The following TRIO variants were observed in gnomAD, a reference collection of about 807,000 sequenced individuals.
TRIO encodes the protein triple functional domain protein.
Under a neutral mutation model 351.9 loss-of-function variants are expected in TRIO, and 58 were observed. The observed-to-expected ratio is 0.16, with a 90% CI of 0.13 to 0.21. TRIO has a LOEUF of 0.21. Ranked by LOEUF, TRIO falls within the 10% of genes least tolerant of loss-of-function variation. TRIO has a pLI of 1.00. For synonymous variants in TRIO, 1,758 were observed against 1,595.7 expected (o/e 1.10, Z -2.42); for missense variants, 3,201 against 4,027.8 (o/e 0.79, Z 5.56).
At chr5:14,306,897 T>G (rs1169999455) in intron 8 of TRIO, among the ~76,000 whole-genome samples, 1 of 152,188 alleles carries the variant, frequency 6.6e-6, no homozygotes, top group Non-Finnish European at 1.5e-5. Flanking sequence ...TTATTTGATT[T>G]ACATTGGTAC....
At chr5:14,156,019 T>A (rs1464902599) in intron 1 of TRIO, among the ~76,000 whole-genome samples, 2 of 152,242 alleles carry the variant, frequency 1.3e-5, no homozygotes, top group Non-Finnish European at 2.9e-5. Context: ...TTTCCTTATC[T>A]TCCACTTATT....
At chr5:14,426,675 T>C (rs1750667068) in intron 34 of TRIO, among the ~76,000 whole-genome samples, 1 of 151,886 alleles carries the variant, frequency 6.6e-6, no homozygotes, top group South Asian at 2.1e-4. Flanking sequence ...AAGCAGCGAG[T>C]CTCCGCAGAT....
chr5:14,178,685 G>T (rs1488492898), intron 1 of TRIO, among the ~76,000 whole-genome samples: 2 of 152,174 alleles, frequency 1.3e-5, no homozygotes, highest in East Asian at 3.9e-4. Context: ...TGAGAGTCAT[G>T]TGAAGATATT....
At chr5:14,445,052 C>A (rs879689143) in intron 34 of TRIO, among the ~76,000 whole-genome samples, 1 of 152,118 alleles carries the variant, frequency 6.6e-6, no homozygotes, top group Admixed American at 6.5e-5. Context: ...TATCTCTTCA[C>A]TAGATTTTGG....
chr5:14,289,931 G>A (rs950056862), intron 4 of TRIO, among the ~76,000 whole-genome samples: 3 of 152,194 alleles, frequency 2.0e-5, no homozygotes, highest in Non-Finnish European at 2.9e-5. Flanking sequence ...AAATTGCAAT[G>A]TAGTACAGAT....
At chr5:14,371,189 A>G (rs1745072227) in intron 18 of TRIO, among the ~76,000 whole-genome samples, 1 of 152,236 alleles carries the variant, frequency 6.6e-6, no homozygotes, top group Non-Finnish European at 1.5e-5. Context: ...TTAAACTGTG[A>G]TGTTGAGTAG....
At chr5:14,464,880 C>T (rs1426323865) in intron 36 of TRIO, among the ~76,000 whole-genome samples, 36 of 152,110 alleles carry the variant, frequency 2.4e-4, no homozygotes, top group African/African-American at 4.8e-5. Context: ...GCCCCTCCCC[C>T]AGATTTCCTG....
At chr5:14,200,564 C>T (rs756262296) in intron 1 of TRIO, among the ~76,000 whole-genome samples, 29 of 152,116 alleles carry the variant, frequency 1.9e-4, no homozygotes, top group Non-Finnish European at 2.9e-4. Flanking sequence ...ATAAATGGAT[C>T]GGGTTTAGCA....
intron 18 of TRIO, among the ~76,000 whole-genome samples, chr5:14,370,433 G>C (rs1477131746): frequency 6.6e-6 from 1 of 152,088 alleles, no homozygotes; most frequent in African/African-American, 2.4e-5. Context: ...GGCTCTGCTT[G>C]TTATCACCAC....
chr5:14,487,901 G>A lies in TRIO; in HGVS notation c.7273G>A (p.Ala2425Thr), dbSNP rs755526606. ...GAGCCCCAGGAAAGGCGCCGCGAAC[G>A]CCTCGGGGTCGAGCCCAGACGCCCC... ...LESPRKGAAN[A>T]SGSSPDAPAK... Residue 2425 changes from alanine to threonine, a missense_variant, in exon 48 of 57, where the codon GCC (alanine) becomes ACC (threonine). By Grantham distance (58) the Ala-to-Thr change is moderately conservative (BLOSUM62 0). Coordinates refer to ENST00000344204, the MANE Select transcript of TRIO (RefSeq NM_007118.4). The A allele has an allele frequency of 1.7e-5, 26 of 1,534,912 alleles. No homozygotes were observed. The South Asian group carries it at 2.9e-4, about 17-fold the overall frequency.
intron 12 of TRIO, 113 bp from the exon 13 acceptor site, chr5:14,359,244 G>A (rs1743907991): frequency 7.7e-7 from 1 of 1,300,886 alleles, no homozygotes; most frequent in Non-Finnish European, 1.1e-6. Context: ...TCTGAGACAA[G>A]CAGTGCAGCT....
At chr5:14,426,686 G>A (rs1750668510) in intron 34 of TRIO, among the ~76,000 whole-genome samples, 1 of 152,188 alleles carries the variant, frequency 6.6e-6, no homozygotes, top group Admixed American at 6.5e-5. Context: ...CTCCGCAGAT[G>A]GCCGGCACTG....
chr5:14,390,590 C>CCTTCTGGGGGA, intron 26 of TRIO: 1 of 535,334 alleles, frequency 1.9e-6, no homozygotes, highest in Non-Finnish European at 3.3e-6. Context: ...GGGGGATCGT[C>CCTTCTGGGGGA]TAGTCTAGAG....
At chr5:14,466,769 G>A (rs570380932) in intron 37 of TRIO, among the ~76,000 whole-genome samples, 17 of 152,272 alleles carry the variant, frequency 1.1e-4, no homozygotes, top group African/African-American at 2.9e-4. Flanking sequence ...ATGTGTGTGC[G>A]TTTTCTTTCC....
At chr5:14,480,107 A>G (rs1755401961) in intron 43 of TRIO, 96 bp downstream of exon 43, 1 of 1,124,202 alleles carries the variant, frequency 8.9e-7, no homozygotes, top group South Asian at 1.4e-5. Context: ...GGACAGGGGA[A>G]TCATCTGTGT....
intron 1 of TRIO, among the ~76,000 whole-genome samples, chr5:14,218,115 C>T (rs1459094085): frequency 6.6e-6 from 1 of 152,110 alleles, no homozygotes; most frequent in Non-Finnish European, 1.5e-5. Flanking sequence ...TTTTAAAATG[C>T]AACTTTTGCA....
At chr5:14,288,321 AT>A (rs1736612184) in intron 4 of TRIO, among the ~76,000 whole-genome samples, 1 of 152,166 alleles carries the variant, frequency 6.6e-6, no homozygotes, top group African/African-American at 2.4e-5. Context: ...AACTTGTTAC[AT>A]TGTTACCAGC....
chr5:14,478,329 T>C (rs1176250228), intron 41 of TRIO, among the ~76,000 whole-genome samples: 1 of 152,112 alleles, frequency 6.6e-6, no homozygotes, highest in Admixed American at 6.6e-5. Flanking sequence ...AGTGAAGAGT[T>C]TTTGCCAAGG....
Position 14,461,159 on chromosome 5 carries a change from C to T in TRIO, c.5344C>T (p.Arg1782Trp), listed in dbSNP as rs1393999161. Residue 1782 changes from arginine to tryptophan, a missense_variant, in exon 35 of 57, where the codon CGG becomes TGG. By Grantham distance (101) the Arg-to-Trp change is moderately radical. This residue lies in a region of TRIO where 193 missense variants were observed against 218.8 expected (regional missense o/e 0.88). Transcript: ENST00000344204. ...TLRKWLTSPVRRLSSGKADGH... is the reference protein window; with the variant it reads ...TLRKWLTSPVWRLSSGKADGH... ...GCGCAAGTGGCTCACCAGCCCCGTG[C>T]GGCGGCTCAGCAGCGGCAAGGCCGA... 1 of 1,556,614 alleles carries T rather than the reference C, an allele frequency of 6.4e-7. No homozygotes were observed. Among genetic ancestry groups the T allele is most frequent in the Non-Finnish European group, 8.7e-7 (1 of 1,150,808 alleles).
Sources: allele counts gnomAD v4.1 joint callset (sites outside exome capture counted in the v4.1 genomes callset), GRCh38; gene constraint gnomAD v4.1.1; regional missense constraint gnomAD v4.1.1; transcripts MANE v1.5; gene names NCBI Gene and HGNC (gene_info 2026-07-23, HGNC 2026-07-21).